The following TENM3 variants were observed in gnomAD, a reference collection of about 807,000 sequenced individuals.
TENM3 encodes the protein teneurin transmembrane protein 3.
Under a neutral mutation model 255.1 loss-of-function variants are expected in TENM3, and 63 were observed. The ratio of observed to expected loss-of-function variants is 0.25; its 90% CI spans 0.20 to 0.30. The LOEUF (loss-of-function observed/expected upper bound fraction) is 0.30, where lower values mean the gene tolerates loss of function less well. TENM3 is among the 10% of genes least tolerant of loss of function. TENM3 has a pLI of 1.00. For synonymous variants in TENM3, 1,306 were observed against 1,322.3 expected, an observed-to-expected ratio of 0.99 and a Z score of 0.27; for missense variants, 2,929 against 3,461.1, an observed-to-expected ratio of 0.85 and a Z score of 3.86.
the TENM3 span, among the ~76,000 whole-genome samples, chr4:181,506,357 G>A: frequency 1.3e-5 from 2 of 151,758 alleles, no homozygotes; most frequent in South Asian, 2.1e-4. Context: ...GCATGGTGAG[G>A]CACTGTCCTG....
At chr4:182,719,724 T>G (rs1300022451) in intron 13 of TENM3, among the ~76,000 whole-genome samples, 1 of 151,826 alleles carries the variant, frequency 6.6e-6, no homozygotes. Flanking sequence ...AAATAAGAAA[T>G]AAATAATTAG....
the TENM3 span, among the ~76,000 whole-genome samples, chr4:181,586,145 G>A: frequency 6.6e-6 from 1 of 152,174 alleles, no homozygotes; most frequent in East Asian, 1.9e-4. Context: ...CCCCACTCTG[G>A]CCAAAGTTTC....
At chr4:182,509,771 C>G (rs1356672952) in intron 3 of TENM3, among the ~76,000 whole-genome samples, 1 of 151,944 alleles carries the variant, frequency 6.6e-6, no homozygotes, top group Non-Finnish European at 1.5e-5. Context: ...AACCCCATCT[C>G]TACTAAAAAT....
At chr4:182,008,565 CTA>C in the TENM3 span, among the ~76,000 whole-genome samples, 1 of 151,912 alleles carries the variant, frequency 6.6e-6, no homozygotes, top group African/African-American at 2.4e-5. Context: ...AATTCTCGTG[CTA>C]TGTTTTTCAG....
chr4:182,164,000 C>T (rs1031292876), intron 1 of TENM3, among the ~76,000 whole-genome samples: 6 of 152,172 alleles, frequency 3.9e-5, no homozygotes, highest in African/African-American at 1.4e-4. Flanking sequence ...CCACTCAAAA[C>T]TTCTAGCTCC....
chr4:182,358,052 G>T (rs1765690177), intron 3 of TENM3, among the ~76,000 whole-genome samples: 2 of 150,674 alleles, frequency 1.3e-5, no homozygotes, highest in South Asian at 4.2e-4. Flanking sequence ...ATTTCTGAGG[G>T]CTCTGTTCTG....
intron 3 of TENM3, among the ~76,000 whole-genome samples, chr4:182,520,746 G>C (rs1738486146): frequency 6.6e-6 from 1 of 152,122 alleles, no homozygotes; most frequent in South Asian, 2.1e-4. Flanking sequence ...GTATCTTCTA[G>C]AGAGTTTGTG....
intron 1 of TENM3, among the ~76,000 whole-genome samples, chr4:182,253,874 A>G (rs975307763): frequency 6.6e-6 from 1 of 152,098 alleles, no homozygotes; most frequent in Non-Finnish European, 1.5e-5. Context: ...TAAAAAAAAT[A>G]CAGTTTACAG....
intron 1 of TENM3, among the ~76,000 whole-genome samples, chr4:182,255,647 C>A (rs541743889): frequency 2.6e-5 from 4 of 152,184 alleles, no homozygotes; most frequent in Admixed American, 1.3e-4. Context: ...GTGTGTGTGT[C>A]CCTGGGATGA....
At chr4:181,874,280 CT>C in the TENM3 span, among the ~76,000 whole-genome samples, 1 of 152,158 alleles carries the variant, frequency 6.6e-6, no homozygotes, top group Non-Finnish European at 1.5e-5. Context: ...TTGACATTTT[CT>C]TTATTTTTTA....
chr4:182,674,719 A>T (rs535600462), intron 7 of TENM3, among the ~76,000 whole-genome samples: 1 of 151,000 alleles, frequency 6.6e-6, no homozygotes, highest in South Asian at 2.1e-4. Flanking sequence ...GGGACTACAG[A>T]TGCGTGTCAC....
the TENM3 span, among the ~76,000 whole-genome samples, chr4:181,845,368 A>G: frequency 4.6e-5 from 7 of 152,244 alleles, no homozygotes; most frequent in African/African-American, 1.7e-4. Flanking sequence ...TCTGTAGATC[A>G]CAGACTTAAT....
chr4:182,176,762 A>C (rs2149717963), intron 1 of TENM3, among the ~76,000 whole-genome samples: 1 of 151,450 alleles, frequency 6.6e-6, no homozygotes, highest in African/African-American at 2.4e-5. Flanking sequence ...CCTAGGTTCA[A>C]GCGATTCTCC....
At chr4:182,480,462 T>C (rs1734088059) in intron 3 of TENM3, among the ~76,000 whole-genome samples, 1 of 152,112 alleles carries the variant, frequency 6.6e-6, no homozygotes, top group African/African-American at 2.4e-5. Flanking sequence ...CACAATTTCC[T>C]TTTGCCAAAG....
chr4:182,695,505 A>G (rs1757333981), intron 12 of TENM3, among the ~76,000 whole-genome samples: 1 of 152,170 alleles, frequency 6.6e-6, no homozygotes, highest in African/African-American at 2.4e-5. Flanking sequence ...CTGGGGGTAC[A>G]TTTAGTTTAG....
At chr4:181,692,045 T>C in the TENM3 span, among the ~76,000 whole-genome samples, 1 of 152,192 alleles carries the variant, frequency 6.6e-6, no homozygotes, top group African/African-American at 2.4e-5. Context: ...TCCAGGTATT[T>C]AGGCTTATTG....
At chr4:181,700,515 A>G in the TENM3 span, among the ~76,000 whole-genome samples, 3 of 152,196 alleles carry the variant, frequency 2.0e-5, no homozygotes, top group African/African-American at 7.2e-5. Flanking sequence ...AATACATTCC[A>G]TTTTGCATCT....
At chr4:182,314,193 C>T (rs1041564210) in intron 1 of TENM3, among the ~76,000 whole-genome samples, 6 of 151,572 alleles carry the variant, frequency 4.0e-5, no homozygotes, top group Admixed American at 2.0e-4. Flanking sequence ...CCCAGCTACT[C>T]GGGAGGCTGA....
At chr4:181,873,024 A>G in the TENM3 span, among the ~76,000 whole-genome samples, 3 of 151,064 alleles carry the variant, frequency 2.0e-5, no homozygotes, top group Non-Finnish European at 4.4e-5. Context: ...GATACTTAGG[A>G]GGTAATTAAA....
Sources: allele counts gnomAD v4.1 joint callset (sites outside exome capture counted in the v4.1 genomes callset), GRCh38; gene constraint gnomAD v4.1.1; transcripts MANE v1.5; gene names NCBI Gene and HGNC (gene_info 2026-07-23, HGNC 2026-07-21).